Variants in FBXW7 observed in about 807,000 individuals in gnomAD.
FBXW7 encodes the protein F-box and WD repeat domain containing 7.
A neutral mutation model predicts 86.3 loss-of-function variants in FBXW7; 11 were observed. The ratio of observed to expected loss-of-function variants is 0.13; its 90% CI spans 0.08 to 0.21. The LOEUF (loss-of-function observed/expected upper bound fraction) is 0.21. Among genes scored for constraint, FBXW7 ranks in the 10% least tolerant of loss-of-function variants. FBXW7 has a pLI of 1.00. For synonymous variants in FBXW7, 313 were observed against 297.9 expected, an observed-to-expected ratio of 1.05 and a Z score of -0.52; for missense variants, 488 against 847.4, an observed-to-expected ratio of 0.58 and a Z score of 5.27.
intron 2 of FBXW7, among the ~76,000 whole-genome samples, chr4:152,519,279 CAG>C (rs1255174695): frequency 6.6e-6 from 1 of 151,958 alleles, no homozygotes; most frequent in African/African-American, 2.4e-5. Flanking sequence ...GCCTGGGCTA[CAG>C]AGTGAGACTC....
At chr4:152,445,717 G>A (rs933212363) in intron 2 of FBXW7, among the ~76,000 whole-genome samples, 3 of 151,998 alleles carry the variant, frequency 2.0e-5, no homozygotes, top group African/African-American at 7.2e-5. Context: ...AGATCAGCCT[G>A]GGCAACATGG....
intron 2 of FBXW7, among the ~76,000 whole-genome samples, chr4:152,475,222 G>A (rs1198196465): frequency 6.6e-6 from 1 of 151,712 alleles, no homozygotes; most frequent in South Asian, 2.1e-4. Context: ...TGAGACTGGA[G>A]TTCAAGACCA....
Position 152,332,591 on chromosome 4 carries a change from C to T in FBXW7, c.985+5G>A, listed in dbSNP as rs1237582186. On this transcript the variant is annotated splice_donor_5th_base_variant and intron_variant, in intron 8 of 13. Coordinates refer to ENST00000281708, the MANE Select transcript of FBXW7 (RefSeq NM_001349798.2). Reference sequence around the variant, plus strand: ...ACATATTCTCTATGCAATTTTGAACCTTACCCTCTTCTTTGCATTTCTCTC... The same window carrying T: ...ACATATTCTCTATGCAATTTTGAACTTTACCCTCTTCTTTGCATTTCTCTC... The T allele has an allele frequency of 6.3e-7, 1 of 1,575,442 alleles. No individual in the cohort carries two copies. Among genetic ancestry groups the T allele is most frequent in the Non-Finnish European group, 8.7e-7 (1 of 1,155,414 alleles).
At chr4:152,444,622 G>A (rs1213413581) in intron 2 of FBXW7, among the ~76,000 whole-genome samples, 1 of 152,034 alleles carries the variant, frequency 6.6e-6, no homozygotes, top group Admixed American at 6.5e-5. Context: ...ATTCTTAAAG[G>A]AAAAGCTGCA....
chr4:152,440,471 T>C (rs1740789548), intron 2 of FBXW7, among the ~76,000 whole-genome samples: 1 of 152,220 alleles, frequency 6.6e-6, no homozygotes, highest in Non-Finnish European at 1.5e-5. Flanking sequence ...TTTAAGATGA[T>C]TCTATCACTT....
intron 4 of FBXW7, among the ~76,000 whole-genome samples, chr4:152,355,300 GTGTC>G (rs1285035761): frequency 6.6e-6 from 1 of 151,916 alleles, no homozygotes; most frequent in African/African-American, 2.4e-5. Context: ...TTATGGGTTT[GTGTC>G]TGTATTTATC....
intron 4 of FBXW7, among the ~76,000 whole-genome samples, chr4:152,361,523 T>C (rs921616420): frequency 6.6e-6 from 1 of 152,230 alleles, no homozygotes. Flanking sequence ...TTGTCTTTTA[T>C]GTGCAGTGAA....
chr4:152,519,778 A>G (rs1748836749), intron 2 of FBXW7, among the ~76,000 whole-genome samples: 1 of 152,192 alleles, frequency 6.6e-6, no homozygotes, highest in Non-Finnish European at 1.5e-5. Flanking sequence ...TGTCAGTACA[A>G]CTTTCCATTT....
chr4:152,398,105 A>G (rs908525462), intron 4 of FBXW7, among the ~76,000 whole-genome samples: 7 of 152,030 alleles, frequency 4.6e-5, no homozygotes, highest in African/African-American at 1.7e-4. Flanking sequence ...GGTATCCCAC[A>G]TATTATCTGA....
chr4:152,383,639 G>A (rs60084682), intron 4 of FBXW7, among the ~76,000 whole-genome samples: 1 of 151,980 alleles, frequency 6.6e-6, no homozygotes, highest in Admixed American at 6.6e-5. Context: ...AGCTTTTATG[G>A]AGTTTTATAG....
At chr4:152,337,531 T>C (rs1474801691) in intron 7 of FBXW7, 3 of 257,290 alleles carry the variant, frequency 1.2e-5, no homozygotes, top group African/African-American at 6.7e-5. Context: ...AAATAAATAA[T>C]CAAATTAGTG....
chr4:152,475,714 A>G (rs1744335090), intron 2 of FBXW7, among the ~76,000 whole-genome samples: 3 of 152,256 alleles, frequency 2.0e-5, no homozygotes, highest in South Asian at 2.1e-4. Context: ...TATATCAGCA[A>G]TAAGTTAGTA....
chr4:152,405,675 T>C (rs974567167), intron 4 of FBXW7, among the ~76,000 whole-genome samples: 6 of 152,208 alleles, frequency 3.9e-5, no homozygotes, highest in Non-Finnish European at 8.8e-5. Flanking sequence ...TTAACGTTTT[T>C]AAACACTGAC....
At chr4:152,336,775 T>C (rs1358433250) in intron 7 of FBXW7, among the ~76,000 whole-genome samples, 2 of 152,084 alleles carry the variant, frequency 1.3e-5, no homozygotes, top group African/African-American at 4.8e-5. Flanking sequence ...TCTGGAGTTA[T>C]GCTTAGTTCC....
At chr4:152,369,452 C>A (rs376087345) in intron 4 of FBXW7, among the ~76,000 whole-genome samples, 1 of 152,104 alleles carries the variant, frequency 6.6e-6, no homozygotes, top group South Asian at 2.1e-4. Flanking sequence ...CTAAAGCAGT[C>A]CGTGGCTCAT....
intron 2 of FBXW7, among the ~76,000 whole-genome samples, chr4:152,448,979 C>T (rs1741665455): frequency 6.6e-6 from 1 of 152,176 alleles, no homozygotes; most frequent in South Asian, 2.1e-4. Context: ...CCAACCTGTT[C>T]CCTCTGTAAA....
rs1021429560 is a variant in FBXW7 at position 152,535,817 on chromosome 4, A to C, written c.-903T>G. ...CCCCCCAAGCCGCCGGCTCCGGCTC[A>C]GGCTCGGGCTCCGGCTCTGGCTCCG... On this transcript the variant is annotated 5_prime_UTR_variant, in exon 1 of 14. Transcript: ENST00000281708. The C allele has an allele frequency of 1.0e-4, 40 of 390,008 alleles. No homozygotes were observed. Among genetic ancestry groups the C allele is most frequent in the Middle Eastern group, 6.3e-4 (1 of 1,590 alleles). 24.2% of individuals were successfully genotyped at this position (390,008 alleles called of 1,614,324 possible). A position where few individuals can be genotyped will look rare whatever the true frequency, so the allele number is the denominator to read the frequency against.
intron 4 of FBXW7, among the ~76,000 whole-genome samples, chr4:152,355,645 C>T (rs1732301050): frequency 6.6e-6 from 1 of 152,080 alleles, no homozygotes; most frequent in Non-Finnish European, 1.5e-5. Context: ...AACCTAGAAG[C>T]ATTATTGAAA....
chr4:152,387,933 C>T (rs1208969420), intron 4 of FBXW7, among the ~76,000 whole-genome samples: 1 of 152,084 alleles, frequency 6.6e-6, no homozygotes, highest in Non-Finnish European at 1.5e-5. Flanking sequence ...TGGTCTCGAA[C>T]TCCTGACCTT....
Sources: gnomAD v4.1 joint callset for allele counts (sites outside exome capture counted in the v4.1 genomes callset) on GRCh38, gnomAD v4.1.1 for gene constraint, MANE v1.5 for transcripts, NCBI Gene and HGNC (gene_info 2026-07-23, HGNC 2026-07-21) for gene names.